The following RUBCN variants were observed in gnomAD, a reference collection of about 807,000 sequenced individuals.
RUBCN encodes the protein run domain Beclin-1-interacting and cysteine-rich domain-containing protein.
RUBCN carries 74 observed loss-of-function variants against 113.2 expected under a neutral mutation model. The ratio of observed to expected loss-of-function variants is 0.65; its 90% CI spans 0.54 to 0.79. The LOEUF (loss-of-function observed/expected upper bound fraction) is 0.79. Among genes scored for constraint, RUBCN ranks in the 30% least tolerant of loss-of-function variants. The pLI is 0.00. For missense variants in RUBCN, 1,109 were observed against 1,251.7 expected (o/e 0.89, Z 1.72); for synonymous variants, 480 against 490.0 (o/e 0.98, Z 0.27).
intron 1 of RUBCN, among the ~76,000 whole-genome samples, chr3:197,719,827 A>G (rs1217802765): frequency 6.6e-6 from 1 of 152,238 alleles, no homozygotes; most frequent in Non-Finnish European, 1.5e-5. Flanking sequence ...TGATTGATAC[A>G]TAATTGTACA....
At chr3:197,690,686 C>T (rs1211149873) in intron 11 of RUBCN, among the ~76,000 whole-genome samples, 1 of 152,232 alleles carries the variant, frequency 6.6e-6, no homozygotes, top group Non-Finnish European at 1.5e-5. Flanking sequence ...TCATACCATT[C>T]TATCCTACTT....
chr3:197,722,408 G>C (rs1726269895), intron 1 of RUBCN, among the ~76,000 whole-genome samples: 1 of 152,014 alleles, frequency 6.6e-6, no homozygotes, highest in Non-Finnish European at 1.5e-5. Flanking sequence ...ATGTTCTGTA[G>C]ATGTCTGTTA....
upstream of RUBCN, among the ~76,000 whole-genome samples, chr3:197,737,953 A>G (rs1048365086): frequency 5.3e-5 from 8 of 151,842 alleles, no homozygotes; most frequent in African/African-American, 1.5e-4. Context: ...CAGTGGCGCA[A>G]TCATAGCTCC....
At chr3:197,701,268 C>T (rs1266863135) in intron 6 of RUBCN, 122 bp from the exon 7 acceptor site, 3 of 868,448 alleles carry the variant, frequency 3.5e-6, no homozygotes, top group Non-Finnish European at 5.1e-6. Context: ...AAATAAAGTA[C>T]AAAATTATTT....
chr3:197,673,563 A>C lies in RUBCN; in HGVS notation c.*1455T>G, dbSNP rs1719994750. On this transcript the variant is annotated 3_prime_UTR_variant, in exon 20 of 20. Coordinates refer to ENST00000296343, the MANE Select transcript of RUBCN (RefSeq NM_014687.4). ...AGCTCTTGGAGAAGCCACTCTGACC[A>C]GTGTTTTCACAGAGGTTAGAAGCTG... 1 of 152,296 alleles carries C rather than the reference A, an allele frequency of 6.6e-6. No individual in the cohort carries two copies. Among genetic ancestry groups the C allele is most frequent in the Admixed American group, 6.5e-5 (1 of 15,284 alleles). The allele number at this position is 152,296 out of a possible 1,614,324, so 9.4% of individuals were successfully genotyped here.
At chr3:197,684,129 CT>C (rs369769813) in intron 12 of RUBCN, 27 bp downstream of exon 12, 143 of 1,555,036 alleles carry the variant, frequency 9.2e-5, no homozygotes, top group East Asian at 8.3e-4. Context: ...GTTTTCTTTT[CT>C]TTTTTTTGGT....
chr3:197,732,783 C>G (rs1727669127), intron 1 of RUBCN, among the ~76,000 whole-genome samples: 1 of 152,150 alleles, frequency 6.6e-6, no homozygotes, highest in South Asian at 2.1e-4. Context: ...GGAAGCTAAG[C>G]CAACACTCTA....
At chr3:197,692,410 T>C (rs893651582) in intron 11 of RUBCN, among the ~76,000 whole-genome samples, 1 of 151,828 alleles carries the variant, frequency 6.6e-6, no homozygotes. Flanking sequence ...GTTCTGGGCA[T>C]CATTCAAGCA....
intron 7 of RUBCN, chr3:197,699,273 G>A (rs1345635513): frequency 7.2e-7 from 1 of 1,394,998 alleles, no homozygotes; most frequent in African/African-American, 1.4e-5. Flanking sequence ...TCCAGATAGA[G>A]CAATGAGAAT....
In RUBCN at chr3:197,679,791, C is replaced by T. The variant is rs34946514; in HGVS notation, c.2430+1338G>A. ...TGACAACTGGCTTCAGACTGTCCTA[C>T]GCTCTAACTGACAACTGGCTCCAGA... On this transcript the variant is annotated intron_variant, in intron 16 of 19. Transcript: ENST00000296343. 9.4e-3 allele frequency among the ~76,000 whole-genome samples: 1,283 copies of T among 136,006 alleles called. 36 individuals are homozygous for T. The highest frequency in any genetic ancestry group is 0.042 in the African/African-American group (1,191 of 28,452). 89.2% of individuals were successfully genotyped at this position (136,006 alleles called of 152,430 possible). A position where few individuals can be genotyped will look rare whatever the true frequency, so the allele number is the denominator to read the frequency against.
At chr3:197,720,799 T>C (rs1433311615) in intron 1 of RUBCN, among the ~76,000 whole-genome samples, 1 of 152,162 alleles carries the variant, frequency 6.6e-6, no homozygotes, top group Non-Finnish European at 1.5e-5. Flanking sequence ...GATACACCGA[T>C]TGTGTTTCCC....
At chr3:197,731,894 T>TAAG (rs1214580283) in intron 1 of RUBCN, among the ~76,000 whole-genome samples, 4 of 152,202 alleles carry the variant, frequency 2.6e-5, no homozygotes, top group Non-Finnish European at 5.9e-5. Context: ...CTATAAGCCA[T>TAAG]TATATTTGGA....
At chr3:197,705,251 G>T in intron 2 of RUBCN, 76 bp from the exon 3 acceptor site, 2 of 1,339,672 alleles carry the variant, frequency 1.5e-6, no homozygotes, top group Non-Finnish European at 1.1e-6. Flanking sequence ...GGCATTCAAA[G>T]ATAGGAAAAG....
intron 1 of RUBCN, among the ~76,000 whole-genome samples, chr3:197,728,206 G>T (rs1726976883): frequency 6.6e-6 from 1 of 152,256 alleles, no homozygotes; most frequent in Non-Finnish European, 1.5e-5. Flanking sequence ...TTCAAGTCTA[G>T]CCTGGGCAAC....
Position 197,705,188 on chromosome 3 carries a change from C to T in RUBCN, c.220-13G>A. 10 of 1,611,944 alleles carry T rather than the reference C, an allele frequency of 6.2e-6. No homozygotes were observed. The highest frequency in any genetic ancestry group is 8.5e-6 in the Non-Finnish European group (10 of 1,178,084). ...GGCGGCGGCACGCCTGCAAAGGGAA[C>T]ACATACAATGAGCAAATCACGACCA... On this transcript the variant is annotated splice_polypyrimidine_tract_variant and intron_variant, in intron 2 of 19. Transcript: ENST00000296343.
At chr3:197,737,064 C>T, upstream of RUBCN, 1 of 560,634 alleles carries the variant, frequency 1.8e-6, no homozygotes, top group Non-Finnish European at 2.5e-6. Flanking sequence ...CAGGCCGCTC[C>T]CGCAGGCCGC....
Position 197,704,549 on chromosome 3 carries a change from G to A in RUBCN, c.456C>T (p.Phe152=). The change falls in exon 4 of 20, where the codon TTC becomes TTT. Residue 152 remains phenylalanine (F), a synonymous_variant. Coordinates refer to ENST00000296343, the MANE Select transcript of RUBCN (RefSeq NM_014687.4). ...LLGDRQYIRK[F]YTDAAFLLSD... ...TAAGTGGCCTCTACCTACCTGTGTA[G>A]AATTTTCTGATATACTGTCTATCCC... 6.2e-7 allele frequency: 1 copy of A among 1,614,210 alleles called. No homozygotes were observed. The highest frequency in any genetic ancestry group is 8.5e-7 in the Non-Finnish European group (1 of 1,180,026).
intron 2 of RUBCN, among the ~76,000 whole-genome samples, chr3:197,716,730 G>T (rs1725556977): frequency 1.3e-5 from 2 of 152,110 alleles, no homozygotes; most frequent in South Asian, 4.2e-4. Flanking sequence ...TTGTCCATGT[G>T]GGCCCAGTAT....
intron 18 of RUBCN, chr3:197,676,684 C>A (rs957720652): frequency 1.2e-4 from 167 of 1,435,282 alleles, no homozygotes; most frequent in Non-Finnish European, 1.5e-4. Flanking sequence ...ACCAGCTCCT[C>A]CCCTCACTCG....
Sources: allele counts gnomAD v4.1 joint callset (sites outside exome capture counted in the v4.1 genomes callset), GRCh38; gene constraint gnomAD v4.1.1; transcripts MANE v1.5; gene names NCBI Gene and HGNC (gene_info 2026-07-23, HGNC 2026-07-21).